The following LUZP2 variants were observed in gnomAD, a reference collection of about 807,000 sequenced individuals.
LUZP2 encodes leucine zipper protein 2.
A neutral mutation model predicts 51.6 loss-of-function variants in LUZP2; 52 were observed. That is an observed-to-expected ratio of 1.01 (90% confidence interval 0.81 to 1.27). The LOEUF (loss-of-function observed/expected upper bound fraction) is 1.27, where lower values mean the gene tolerates loss of function less well. LUZP2 is among the 50% of genes most tolerant of loss of function. The pLI is 0.00. For missense variants in LUZP2, 436 were observed against 395.4 expected (o/e 1.10, Z -0.87); for synonymous variants, 154 against 137.3 (o/e 1.12, Z -0.85).
intron 5 of LUZP2, among the ~76,000 whole-genome samples, chr11:24,843,776 C>T (rs117611074): frequency 1.8e-3 from 268 of 152,162 alleles, no homozygotes; most frequent in Non-Finnish European, 3.1e-3. Flanking sequence ...GTTTCCTGTA[C>T]TGTTCTCATG....
At chr11:24,693,311 A>T (rs552380203) in intron 1 of LUZP2, among the ~76,000 whole-genome samples, 1 of 151,558 alleles carries the variant, frequency 6.6e-6, no homozygotes, top group Admixed American at 6.6e-5. Context: ...ATTTAACATA[A>T]TACATCACAG....
chr11:24,774,502 T>A (rs1158907010), intron 5 of LUZP2, among the ~76,000 whole-genome samples: 1 of 105,030 alleles, frequency 9.5e-6, no homozygotes. Flanking sequence ...AGAATATATA[T>A]AGAATATATT....
At position 24,675,488 on chromosome 11, in the gene LUZP2, G is replaced by A. The variant is rs1590332245; in HGVS notation, c.63-53681G>A. 3.9e-5 allele frequency among the ~76,000 whole-genome samples: 6 copies of A among 152,246 alleles called. No homozygotes were observed. The South Asian group carries it at 1.2e-3, about 32-fold the overall frequency. On this transcript the variant is annotated intron_variant, in intron 1 of 11. Transcript: ENST00000336930. ...TTTGTAAGTGCAGAACTGCTCAGCA[G>A]AAAATTAGCTTGCCATAGAGTACTT...
chr11:24,993,787 A>C (rs1008739676), intron 9 of LUZP2, among the ~76,000 whole-genome samples: 1 of 151,692 alleles, frequency 6.6e-6, no homozygotes, highest in Non-Finnish European at 1.5e-5. Flanking sequence ...CACTTTATTG[A>C]AGATTTCATT....
intron 7 of LUZP2, among the ~76,000 whole-genome samples, chr11:24,928,927 G>C (rs978500776): frequency 6.6e-6 from 1 of 151,906 alleles, no homozygotes; most frequent in African/African-American, 2.4e-5. Flanking sequence ...GGTCTCTTCA[G>C]AGTTTCTATT....
intron 7 of LUZP2, among the ~76,000 whole-genome samples, chr11:24,931,214 TAAAATAAAATAAAATA>T: frequency 5.0e-5 from 1 of 20,174 alleles, no homozygotes; most frequent in South Asian, 1.7e-3. Context: ...TGTCTCAAAA[TAAAATAAAATAAAATA>T]AAATAAAATA....
intron 10 of LUZP2, among the ~76,000 whole-genome samples, chr11:25,050,539 C>T (rs2134022598): frequency 6.6e-6 from 1 of 152,102 alleles, no homozygotes; most frequent in South Asian, 2.1e-4. Flanking sequence ...CGCCTGACCT[C>T]GTGATCCGCC....
chr11:25,051,383 A>C (rs528184096), intron 10 of LUZP2, among the ~76,000 whole-genome samples: 1 of 152,356 alleles, frequency 6.6e-6, no homozygotes, highest in Admixed American at 6.5e-5. Context: ...TTATTTAAAC[A>C]TGTATCCAAA....
At chr11:24,596,106 C>T (rs750685290) in intron 1 of LUZP2, among the ~76,000 whole-genome samples, 6 of 152,120 alleles carry the variant, frequency 3.9e-5, no homozygotes, top group Non-Finnish European at 7.4e-5. Context: ...TGGGAAATAT[C>T]TCCCTTTTAT....
At chr11:24,740,847 G>T (rs550391839) in intron 4 of LUZP2, among the ~76,000 whole-genome samples, 1 of 152,110 alleles carries the variant, frequency 6.6e-6, no homozygotes, top group Non-Finnish European at 1.5e-5. Context: ...GTATGTCAAT[G>T]GTACTAATGT....
At chr11:24,858,576 C>G (rs1851638512) in intron 5 of LUZP2, among the ~76,000 whole-genome samples, 1 of 151,998 alleles carries the variant, frequency 6.6e-6, no homozygotes, top group South Asian at 2.1e-4. Context: ...GCATTTGGGA[C>G]AATAAAAGAG....
rs769649030 is a variant in LUZP2, at chr11:25,050,002, ATTTC to A, written c.766-26_766-23del. On this transcript the variant is annotated intron_variant, in intron 9 of 11. Coordinates refer to ENST00000336930, the MANE Select transcript of LUZP2 (RefSeq NM_001009909.4). ...CAAACTATTTCTCTTGTATTTAGTG[ATTTC>A]TTTCTTTCTATCTCTCTTCGTCTCT... The A allele has an allele frequency of 1.5e-5, 19 of 1,278,222 alleles. No individual in the cohort carries two copies. The African/African-American group carries it at 2.1e-4, about 14-fold the overall frequency. The allele number at this position is 1,278,222 out of a possible 1,614,324, so 79.2% of individuals were successfully genotyped here. A position where few individuals can be genotyped will look rare whatever the true frequency, so the allele number is the denominator to read the frequency against.
intron 9 of LUZP2, among the ~76,000 whole-genome samples, chr11:24,997,787 A>G (rs1288282981): frequency 2.0e-5 from 3 of 152,108 alleles, no homozygotes; most frequent in Admixed American, 6.6e-5. Context: ...ATCTTGAATT[A>G]ATTTTTGTAT....
chr11:24,720,428 G>A (rs1231615392), intron 1 of LUZP2, among the ~76,000 whole-genome samples: 1 of 152,208 alleles, frequency 6.6e-6, no homozygotes, highest in Non-Finnish European at 1.5e-5. Flanking sequence ...TTGATAGTGT[G>A]AGATTTATTT....
intron 2 of LUZP2, 30 bp downstream of exon 2, chr11:24,729,316 A>G: frequency 1.7e-6 from 2 of 1,204,740 alleles, no homozygotes; most frequent in Non-Finnish European, 2.3e-6. Flanking sequence ...TCCGAGCAGT[A>G]AAAGAGGAGC....
At chr11:24,750,517 C>G in intron 4 of LUZP2, among the ~76,000 whole-genome samples, 1 of 152,286 alleles carries the variant, frequency 6.6e-6, no homozygotes, top group East Asian at 1.9e-4. Context: ...ATAGAATCAT[C>G]ATTATAATTA....
chr11:24,833,728 A>ACACACACACACT (rs1554918546), intron 5 of LUZP2, among the ~76,000 whole-genome samples: 63 of 151,438 alleles, frequency 4.2e-4, no homozygotes, highest in African/African-American at 1.2e-3. Flanking sequence ...ACACACACAC[A>ACACACACACACT]CACTTGATTC....
intron 1 of LUZP2, among the ~76,000 whole-genome samples, chr11:24,622,657 GTT>G (rs1416232231): frequency 1.3e-5 from 2 of 152,044 alleles, no homozygotes; most frequent in African/African-American, 4.8e-5. Flanking sequence ...CTTATTAACA[GTT>G]TAACTTTGGA....
intron 7 of LUZP2, among the ~76,000 whole-genome samples, chr11:24,961,645 G>T (rs1286644724): frequency 1.3e-5 from 2 of 152,072 alleles, no homozygotes; most frequent in Non-Finnish European, 1.5e-5. Flanking sequence ...GTGTGTCTCT[G>T]CATGTGAGAT....
Sources: gnomAD v4.1 joint callset for allele counts (sites outside exome capture counted in the v4.1 genomes callset) on GRCh38, gnomAD v4.1.1 for gene constraint, MANE v1.5 for transcripts, NCBI Gene and HGNC (gene_info 2026-07-23, HGNC 2026-07-21) for gene names.